UNC119: variants seen among roughly 807,000 people sequenced by gnomAD.
The protein encoded by UNC119 is protein unc-119 homolog A.
Under a neutral mutation model 22.6 loss-of-function variants are expected in UNC119, and 15 were observed. The observed-to-expected ratio is 0.66, with a 90% CI of 0.44 to 1.02. The LOEUF is 1.02. UNC119 is among the 50% of genes least tolerant of loss of function. The probability of loss-of-function intolerance (pLI) is 0.00; values close to 1 mark genes in which losing one functional copy is unlikely to be tolerated. For synonymous variants in UNC119, 138 were observed against 139.4 expected, an observed-to-expected ratio of 0.99 and a Z score of 0.07; for missense variants, 322 against 336.0, an observed-to-expected ratio of 0.96 and a Z score of 0.33.
intron 1 of UNC119, chr17:28,549,039 G>A: frequency 4.3e-6 from 1 of 233,736 alleles, no homozygotes. Flanking sequence ...CCTCCGCTCT[G>A]CCAAGGCTGG....
At position 28,547,416 on chromosome 17, in the gene UNC119, G is replaced by A. The variant is rs1222670456; in HGVS notation, c.611-7C>T. The A allele has an allele frequency of 6.2e-7, 1 of 1,614,054 alleles. No individual in the cohort carries two copies. Among genetic ancestry groups the A allele is most frequent in the Non-Finnish European group, 8.5e-7 (1 of 1,180,032 alleles). On this transcript the variant is annotated splice_region_variant and splice_polypyrimidine_tract_variant and intron_variant, in intron 4 of 4. Transcript: ENST00000335765. ...TGGCGGATCATCTCGCTGACTGCAA[G>A]AGAGGCCCAGCCAGGCCGGGCAAAG...
Position 28,548,022 on chromosome 17 carries a change from G to A in UNC119, c.414C>T (p.Leu138=), listed in dbSNP as rs779344508. Reference sequence around the variant, plus strand: ...ACGTGGCTCCCACCTGCCTCAGGCGGAGGAAGGCAGGCGTGAACTGGTAGC... The same window carrying A: ...ACGTGGCTCCCACCTGCCTCAGGCGAAGGAAGGCAGGCGTGAACTGGTAGC... ...FVRYQFTPAF[L]RLRQVGATVE... is the part of the protein sequence containing the mutation. The change falls in exon 3 of 5, where the codon CTC becomes CTT. Residue 138 remains leucine (L), a synonymous_variant. Transcript: ENST00000335765. 2 of 1,613,892 alleles carry A rather than the reference G, an allele frequency of 1.2e-6. No homozygotes were observed. The highest frequency in any genetic ancestry group is 1.7e-6 in the Non-Finnish European group (2 of 1,180,016).
chr17:28,547,619 G>A (rs1000605605), intron 4 of UNC119, 58 bp downstream of exon 4: 15 of 1,613,570 alleles, frequency 9.3e-6, no homozygotes, highest in East Asian at 4.5e-5. Context: ...TCTCCCTCCC[G>A]CAGCTCAGTC....
At position 28,547,235 on chromosome 17, in the gene UNC119, T is replaced by C. The variant is rs529310137; in HGVS notation, c.*62A>G. ...AGGACTTGGGGTTGAGGGGTGAGCG[T>C]TGGGGAGGTCACAGCTCCCAGCCCA... On this transcript the variant is annotated 3_prime_UTR_variant, in exon 5 of 5. Transcript: ENST00000335765. The C allele has an allele frequency of 4.4e-4, 706 of 1,592,452 alleles. 2 individuals are homozygous for C. The highest frequency in any genetic ancestry group is 4.4e-3 in the South Asian group (393 of 89,878).
In UNC119 at chr17:28,547,687, G is replaced by A. The variant is rs142549864; in HGVS notation, c.600C>T (p.Ser200=). Residue 200 remains serine (S), a synonymous_variant, in exon 4 of 5, where the codon TCC becomes TCT. Coordinates refer to ENST00000335765, the MANE Select transcript of UNC119 (RefSeq NM_005148.4). Reference sequence around the variant, plus strand: ...ACCCTGCCCGCGCACTCAGCTCCTCGGAGAGAGGGGGGAAGTCGTAAATGT... The same window carrying A: ...ACCCTGCCCGCGCACTCAGCTCCTCAGAGAGAGGGGGGAAGTCGTAAATGT... The part of the protein sequence containing the change: ...CEHIYDFPPL[S]EELISEMIRH... 5.3e-5 allele frequency: 85 copies of A among 1,614,068 alleles called. No individual in the cohort carries two copies. Among genetic ancestry groups the A allele is most frequent in the East Asian group, 8.9e-5 (4 of 44,898 alleles).
At chr17:28,552,160 G>T (rs1251566272) in intron 1 of UNC119, 178 bp downstream of exon 1, 2 of 704,078 alleles carry the variant, frequency 2.8e-6, no homozygotes, top group Admixed American at 2.1e-5. Flanking sequence ...AAGGGAAGGG[G>T]GTACACAGAG....
intron 1 of UNC119, chr17:28,551,086 G>A (rs2070264104): frequency 1.3e-5 from 2 of 152,204 alleles, no homozygotes; most frequent in Non-Finnish European, 2.9e-5. Flanking sequence ...AGAGGAATTG[G>A]CCCCCAGGGA....
At chr17:28,549,295 G>A (rs1320287591) in intron 1 of UNC119, 1 of 153,108 alleles carries the variant, frequency 6.5e-6, no homozygotes, top group Non-Finnish European at 1.5e-5. Context: ...ACATCTAGAT[G>A]TATCAGGTGA....
chr17:28,547,773 G>T lies in UNC119; in HGVS notation c.514C>A (p.Leu172Ile). ...IERHYFRNQL[L>I]KSFDFHFGFC... ...CCAAAGTGGAAGTCGAAGCTTTTGA[G>T]TAGCTGGTTGCGGAAGTAGTGCCTC... Residue 172 changes from leucine (L) to isoleucine (I), a missense_variant, in exon 4 of 5, where the codon CTC (leucine) becomes ATC (isoleucine). Physicochemically the swap from Leu to Ile is conservative, Grantham distance 5. Coordinates refer to ENST00000335765, the MANE Select transcript of UNC119 (RefSeq NM_005148.4). The T allele has an allele frequency of 2.5e-6, 4 of 1,614,252 alleles. No homozygotes were observed. The highest frequency in any genetic ancestry group is 3.4e-6 in the Non-Finnish European group (4 of 1,180,046).
chr17:28,551,948 G>C (rs1037889239), intron 1 of UNC119: 1 of 354,854 alleles, frequency 2.8e-6, no homozygotes, highest in Non-Finnish European at 5.7e-6. Context: ...CCTCCAGCGT[G>C]GGGGCTGAGG....
Position 28,547,084 on chromosome 17 carries a change from G to T in UNC119, c.*213C>A. On this transcript the variant is annotated 3_prime_UTR_variant, in exon 5 of 5. Transcript: ENST00000335765. ...GCCTTCCTAGACGTGGAGGCAAACA[G>T]CCTCCCTACGACCCCACCCCATGTA... The T allele has an allele frequency of 1.7e-6, 1 of 574,636 alleles. No homozygotes were observed. The highest frequency in any genetic ancestry group is 1.8e-5 in the South Asian group (1 of 54,406). 35.6% of individuals were successfully genotyped at this position (574,636 alleles called of 1,614,324 possible).
chr17:28,548,323 G>A, intron 2 of UNC119: 1 of 625,672 alleles, frequency 1.6e-6, no homozygotes, highest in South Asian at 2.0e-5. Context: ...AGGATGCTGA[G>A]GCCTGGGACC....
chr17:28,547,420 G>C lies in UNC119; in HGVS notation c.611-11C>G. The stretch of plus-strand genomic sequence containing the variant: ...GGATCATCTCGCTGACTGCAAGAGA[G>C]GCCCAGCCAGGCCGGGCAAAGGTCA... On this transcript the variant is annotated splice_polypyrimidine_tract_variant and intron_variant, in intron 4 of 4. Transcript: ENST00000335765. 6.2e-7 allele frequency: 1 copy of C among 1,613,994 alleles called. No homozygotes were observed. Among genetic ancestry groups the C allele is most frequent in the Non-Finnish European group, 8.5e-7 (1 of 1,179,930 alleles).
chr17:28,547,957 C>A, intron 3 of UNC119, 42 bp downstream of exon 3: 2 of 1,613,522 alleles, frequency 1.2e-6, no homozygotes, highest in South Asian at 1.1e-5. Context: ...CACTCACACC[C>A]TCTCCCTCAC....
At chr17:28,552,028 G>A (rs1415583248) in intron 1 of UNC119, 7 of 584,600 alleles carry the variant, frequency 1.2e-5, no homozygotes, top group Admixed American at 2.2e-5. Flanking sequence ...AGACTCCACA[G>A]CTACAGGGCT....
In UNC119 at chr17:28,546,928, G is replaced by C. The variant is rs2070209781; in HGVS notation, c.*369C>G. The C allele has an allele frequency of 3.0e-6, 1 of 334,758 alleles. No individual in the cohort carries two copies. The highest frequency in any genetic ancestry group is 2.1e-5 in the African/African-American group (1 of 46,520). 20.7% of individuals were successfully genotyped at this position (334,758 alleles called of 1,614,324 possible). On this transcript the variant is annotated 3_prime_UTR_variant, in exon 5 of 5. Coordinates refer to ENST00000335765, the MANE Select transcript of UNC119 (RefSeq NM_005148.4). The stretch of plus-strand genomic sequence containing the variant: ...TACAACTCTAAATGGCCTGAAGGTA[G>C]TGGGCAGGGGACAGGGAATGGATCC...
In UNC119 at chr17:28,552,400, G is replaced by A. The variant is rs1381402581; in HGVS notation, c.158C>T (p.Pro53Leu). ...PDAGPGPRPGPLQRKQPIGPE... is the reference protein window; with the variant it reads ...PDAGPGPRPGLLQRKQPIGPE... ...CCCGATCGGCTGCTTCCTCTGCAGC[G>A]GCCCCGGCCTGGGCCCTGGGCCTGC... The change falls in exon 1 of 5, where the codon CCG becomes CTG. Residue 53 changes from proline to leucine, a missense_variant. Physicochemically the swap from Pro to Leu is moderately conservative, Grantham distance 98 (BLOSUM62 -3). Transcript: ENST00000335765. 1.9e-6 allele frequency: 3 copies of A among 1,552,894 alleles called. No individual in the cohort carries two copies. The highest frequency in any genetic ancestry group is 2.6e-6 in the Non-Finnish European group (3 of 1,157,112).
In UNC119 at chr17:28,552,587, C is replaced by T. The variant is rs1454584122; in HGVS notation, c.-30G>A. 2 of 1,479,494 alleles carry T rather than the reference C, an allele frequency of 1.4e-6. No individual in the cohort carries two copies. The highest frequency in any genetic ancestry group is 8.9e-7 in the Non-Finnish European group (1 of 1,121,414). 91.6% of individuals were successfully genotyped at this position (1,479,494 alleles called of 1,614,324 possible). On this transcript the variant is annotated 5_prime_UTR_variant, in exon 1 of 5. Transcript: ENST00000335765. ...TTGCGGGGCCGAGGCTCGCCTGCTGCTGCCGCCGCTGCCTGCGCCGGCTGG... is the reference window on the plus strand; with the variant it reads ...TTGCGGGGCCGAGGCTCGCCTGCTGTTGCCGCCGCTGCCTGCGCCGGCTGG...
chr17:28,548,782 A>C, intron 1 of UNC119, 77 bp from the exon 2 acceptor site: 2 of 1,124,646 alleles, frequency 1.8e-6, no homozygotes, highest in Non-Finnish European at 2.7e-6. Context: ...GGGACCCCAG[A>C]GTAGCTACCA....
Sources: gnomAD v4.1 joint callset for allele counts on GRCh38, gnomAD v4.1.1 for gene constraint, MANE v1.5 for transcripts, NCBI Gene and HGNC (gene_info 2026-07-23, HGNC 2026-07-21) for gene names.